Variants in RIMBP2 observed in about 807,000 individuals in gnomAD.
RIMBP2 encodes RIMS-binding protein 2.
A neutral mutation model predicts 118.6 loss-of-function variants in RIMBP2; 48 were observed. That is an observed-to-expected ratio of 0.40 (90% CI 0.32 to 0.51). The LOEUF (loss-of-function observed/expected upper bound fraction) is 0.51, where lower values mean the gene tolerates loss of function less well. Ranked by LOEUF, RIMBP2 falls within the 20% of genes least tolerant of loss-of-function variation. The probability of loss-of-function intolerance (pLI) is 0.41; values close to 1 mark genes in which losing one functional copy is unlikely to be tolerated. For missense variants in RIMBP2, 1,551 were observed against 1,768.3 expected (o/e 0.88, Z 2.20); for synonymous variants, 762 against 742.9 (o/e 1.03, Z -0.42).
Position 130,414,131 on chromosome 12 carries a change from G to A in RIMBP2, c.3414C>T (p.Ile1138=), listed in dbSNP as rs1181152747. The A allele has an allele frequency of 6.2e-7, 1 of 1,614,168 alleles. No individual in the cohort carries two copies. The highest frequency in any genetic ancestry group is 8.5e-7 in the Non-Finnish European group (1 of 1,180,036). Residue 1138 remains isoleucine (I), a synonymous_variant, in exon 18 of 23, where the codon ATC becomes ATT. Coordinates refer to ENST00000690449, the MANE Select transcript of RIMBP2 (RefSeq NM_001393629.1). ...GCAGGCAGCCATCCCGCACCTTGAT[G>A]ATCTGGCCTTCTTTAAAGGGAAGCT... is the stretch of plus-strand genomic sequence containing the variant. ...EEELPFKEGQ[I]IKVYGDKDAD...
At chr12:130,453,765 G>C (rs1015053462) in intron 7 of RIMBP2, among the ~76,000 whole-genome samples, 4 of 152,198 alleles carry the variant, frequency 2.6e-5, no homozygotes, top group Non-Finnish European at 5.9e-5. Context: ...CTGAAATGCT[G>C]GGTTGTAGGC....
rs1566227591 is a variant in RIMBP2 at position 130,539,951 on chromosome 12, TAGATGAGGTGG to T, written c.-216-22045_-216-22035del. Among the ~76,000 whole-genome samples the T allele has an allele frequency of 7.1e-3, 792 of 112,102 alleles. 7 individuals are homozygous for T. The highest frequency in any genetic ancestry group is 0.011 in the Non-Finnish European group (586 of 53,712). 73.5% of individuals were successfully genotyped at this position (112,102 alleles called of 152,430 possible). ...CAGGTGTAGGATATGGCAAATGCAG[TAGATGAGGTGG>T]CCAGGTGTAGGATATGGCAAATGCA... On this transcript the variant is annotated intron_variant, in intron 2 of 22. Coordinates refer to ENST00000690449, the MANE Select transcript of RIMBP2 (RefSeq NM_001393629.1).
chr12:130,659,055 T>TC (rs112451538), intron 1 of RIMBP2, among the ~76,000 whole-genome samples: 1,087 of 108,280 alleles, frequency 0.01, 16 homozygotes, highest in African/African-American at 0.028. Context: ...ATCATCTTCA[T>TC]CCCCCTTTGT....
intron 4 of RIMBP2, among the ~76,000 whole-genome samples, chr12:130,506,420 G>A (rs1293378710): frequency 6.6e-6 from 1 of 152,144 alleles, no homozygotes; most frequent in Non-Finnish European, 1.5e-5. Flanking sequence ...CTAAAAAATG[G>A]AAATGCATAA....
chr12:130,500,038 A>T (rs2049591162), intron 4 of RIMBP2, among the ~76,000 whole-genome samples: 1 of 152,226 alleles, frequency 6.6e-6, no homozygotes, highest in Non-Finnish European at 1.5e-5. Context: ...GAAATTCTTC[A>T]GGAAGCCAGT....
At chr12:130,463,337 G>A (rs867830924) in intron 6 of RIMBP2, among the ~76,000 whole-genome samples, 1 of 152,250 alleles carries the variant, frequency 6.6e-6, no homozygotes, top group Non-Finnish European at 1.5e-5. Flanking sequence ...GCTAGGGTCT[G>A]CAGGGCACTG....
At chr12:130,406,147 A>G (rs1206099136) in intron 21 of RIMBP2, 25 bp downstream of exon 21, 3 of 1,305,368 alleles carry the variant, frequency 2.3e-6, no homozygotes. Flanking sequence ...ATCAAATGGT[A>G]CTTCTTGATA....
chr12:130,524,828 T>C (rs992367807), intron 2 of RIMBP2, among the ~76,000 whole-genome samples: 3 of 152,002 alleles, frequency 2.0e-5, no homozygotes, highest in Admixed American at 6.6e-5. Flanking sequence ...GCAAGTGAAA[T>C]AGCATGGCTT....
intron 2 of RIMBP2, among the ~76,000 whole-genome samples, chr12:130,532,439 G>A (rs2053534831): frequency 6.6e-6 from 1 of 151,130 alleles, no homozygotes; most frequent in Non-Finnish European, 1.5e-5. Flanking sequence ...TCAGCCTCTA[G>A]GAGGGACGTC....
intron 3 of RIMBP2, among the ~76,000 whole-genome samples, chr12:130,508,659 C>A (rs1466384056): frequency 3.3e-5 from 5 of 152,138 alleles, no homozygotes; most frequent in African/African-American, 4.8e-5. Context: ...CACGTGTGCT[C>A]AGCACTGTCC....
At chr12:130,516,970 G>T (rs566604561) in intron 3 of RIMBP2, among the ~76,000 whole-genome samples, 1 of 152,220 alleles carries the variant, frequency 6.6e-6, no homozygotes, top group East Asian at 1.9e-4. Flanking sequence ...AGGAGAGCTG[G>T]GGCACGTCTG....
chr12:130,404,366 C>T (rs2074957793), intron 21 of RIMBP2, among the ~76,000 whole-genome samples: 1 of 152,142 alleles, frequency 6.6e-6, no homozygotes, highest in Non-Finnish European at 1.5e-5. Context: ...GGCATGATCT[C>T]AGCTCACCGC....
Position 130,450,201 on chromosome 12 carries a change from T to G in RIMBP2, c.580A>C (p.Ser194Arg). 2.5e-6 allele frequency: 4 copies of G among 1,603,666 alleles called. No homozygotes were observed. The highest frequency in any genetic ancestry group is 3.4e-6 in the Non-Finnish European group (4 of 1,173,906). ...TGGACGCCGAGGGGCCGCACTTACC[T>G]ATAGCGGGCAACACAGAGGTGGACC... ...GKVHLCVARY[S>R]YNPFDGPNEN... Residue 194 changes from serine (S) to arginine (R), a missense_variant and splice_region_variant, in exon 9 of 23, where the codon AGT becomes CGT. Physicochemically the swap from Ser to Arg is moderately radical, Grantham distance 110 (BLOSUM62 -1). Around this residue, in one of 5 missense-constraint regions of RIMBP2, gnomAD observed 239 missense variants for 256.8 expected, o/e 0.93. Transcript: ENST00000690449. This position sits in a 1 kb window ranked among gnomAD's most constrained non-coding sequence, Gnocchi z 4.8.
At chr12:130,709,074 G>C (rs1439690021) in intron 1 of RIMBP2, among the ~76,000 whole-genome samples, 1 of 152,264 alleles carries the variant, frequency 6.6e-6, no homozygotes, top group Non-Finnish European at 1.5e-5. Flanking sequence ...ACCCAGCAAC[G>C]TGCCGGCAAC....
rs906740504 is a variant in RIMBP2, at chr12:130,469,772, C to A, written c.153+921G>T. ...ACAAGGTCATTCTGAAGAGGGCAGC[C>A]TCATCCAATATTGGCCTCACTTAAG... is the stretch of plus-strand genomic sequence containing the variant. On this transcript the variant is annotated intron_variant, in intron 6 of 22. Transcript: ENST00000690449. This position sits in a 1 kb window ranked among gnomAD's most constrained non-coding sequence, Gnocchi z 4.8. 5.9e-5 allele frequency among the ~76,000 whole-genome samples: 9 copies of A among 152,224 alleles called. No individual in the cohort carries two copies. Among genetic ancestry groups the A allele is most frequent in the African/African-American group, 2.2e-4 (9 of 41,456 alleles).
chr12:130,449,440 T>C (rs1258630490), intron 9 of RIMBP2, among the ~76,000 whole-genome samples: 1 of 152,188 alleles, frequency 6.6e-6, no homozygotes. Context: ...TGAAGGCCCC[T>C]GCACGGGAAG....
In RIMBP2 at chr12:130,421,691, A is replaced by ATGTGTGTGTGTGTGTGTGTG. The variant is rs35161782; in HGVS notation, c.3238+742_3238+761dup. 6.4e-3 allele frequency among the ~76,000 whole-genome samples: 939 copies of ATGTGTGTGTGTGTGTGTGTG among 147,260 alleles called. 9 individuals are homozygous for ATGTGTGTGTGTGTGTGTGTG. Among genetic ancestry groups the ATGTGTGTGTGTGTGTGTGTG allele is most frequent in the African/African-American group, 0.022 (857 of 39,542 alleles). Reference sequence around the variant, plus strand: ...TATCAAGAGTTCTCCCTGCATTTATATGTGTGTGTGTGTGTGTGTGTGTGT... The same window carrying ATGTGTGTGTGTGTGTGTGTG: ...TATCAAGAGTTCTCCCTGCATTTATATGTGTGTGTGTGTGTGTGTGTGTGTGTGTGTGTGTGTGTGTGTGT... On this transcript the variant is annotated intron_variant, in intron 17 of 22. Transcript: ENST00000690449.
intron 2 of RIMBP2, among the ~76,000 whole-genome samples, chr12:130,524,254 A>G (rs1289923970): frequency 3.3e-5 from 5 of 152,188 alleles, no homozygotes; most frequent in Non-Finnish European, 5.9e-5. Flanking sequence ...GCAACCTCCC[A>G]AGAGTACAGA....
chr12:130,539,990 C>T (rs71448211), intron 2 of RIMBP2, among the ~76,000 whole-genome samples: 2 of 78,328 alleles, frequency 2.6e-5, no homozygotes, highest in African/African-American at 5.0e-5. Flanking sequence ...CAAATGCAGT[C>T]GATGAGGTGG....
Sources: gnomAD v4.1 joint callset for allele counts (sites outside exome capture counted in the v4.1 genomes callset) on GRCh38, gnomAD v4.1.1 for gene constraint, gnomAD v4.1.1 regional missense constraint, Gnocchi (gnomAD v3.1) non-coding constraint, MANE v1.5 for transcripts, NCBI Gene and HGNC (gene_info 2026-07-23, HGNC 2026-07-21) for gene names.